The following ADAMTS12 variants were observed in gnomAD, a reference collection of about 807,000 sequenced individuals.
ADAMTS12 encodes A disintegrin and metalloproteinase with thrombospondin motifs 12.
Under a neutral mutation model 167.8 loss-of-function variants are expected in ADAMTS12, and 118 were observed. The observed-to-expected ratio is 0.70, with a 90% CI of 0.61 to 0.82. ADAMTS12 has a LOEUF of 0.82. Among genes scored for constraint, ADAMTS12 ranks in the 40% least tolerant of loss-of-function variants. ADAMTS12 has a pLI of 0.00. For synonymous variants in ADAMTS12, 704 were observed against 716.9 expected (o/e 0.98, Z 0.29); for missense variants, 1,916 against 1,998.8 (o/e 0.96, Z 0.79).
At chr5:33,753,031 T>A (rs1005978121) in intron 2 of ADAMTS12, among the ~76,000 whole-genome samples, 6 of 152,238 alleles carry the variant, frequency 3.9e-5, no homozygotes, top group Admixed American at 3.9e-4. Context: ...AATAGAGCAC[T>A]TTACTGGGAG....
At chr5:33,786,799 C>T (rs1183519703) in intron 2 of ADAMTS12, among the ~76,000 whole-genome samples, 2 of 152,170 alleles carry the variant, frequency 1.3e-5, no homozygotes, top group Non-Finnish European at 1.5e-5. Flanking sequence ...ACCTTTTATT[C>T]ACATCTCCCC....
At chr5:33,871,434 A>G (rs2113112) in intron 2 of ADAMTS12, among the ~76,000 whole-genome samples, 5,484 of 152,270 alleles carry the variant, frequency 0.036, 336 homozygotes, top group African/African-American at 0.13. Flanking sequence ...TCTTTCATAA[A>G]TATAGATGCA....
intron 2 of ADAMTS12, among the ~76,000 whole-genome samples, chr5:33,762,966 G>A (rs1745408157): frequency 6.6e-6 from 1 of 152,136 alleles, no homozygotes; most frequent in African/African-American, 2.4e-5. Flanking sequence ...ATGGGAGAAG[G>A]AGCTGATCTT....
chr5:33,864,548 T>C (rs1012200321), intron 2 of ADAMTS12, among the ~76,000 whole-genome samples: 3 of 152,194 alleles, frequency 2.0e-5, no homozygotes, highest in African/African-American at 7.2e-5. Flanking sequence ...TGTATGTTTA[T>C]TGCAGCACTA....
intron 2 of ADAMTS12, among the ~76,000 whole-genome samples, chr5:33,786,801 C>A (rs10057930): frequency 6.6e-6 from 1 of 152,130 alleles, no homozygotes; most frequent in African/African-American, 2.4e-5. Flanking sequence ...CTTTTATTCA[C>A]ATCTCCCCAG....
chr5:33,890,087 T>C (rs2111813614), intron 1 of ADAMTS12, among the ~76,000 whole-genome samples: 1 of 152,216 alleles, frequency 6.6e-6, no homozygotes, highest in South Asian at 2.1e-4. Context: ...CTAGGGAAAA[T>C]AATCATATCT....
At chr5:33,601,814 A>C (rs1395659082) in intron 16 of ADAMTS12, among the ~76,000 whole-genome samples, 1 of 152,214 alleles carries the variant, frequency 6.6e-6, no homozygotes, top group Non-Finnish European at 1.5e-5. Flanking sequence ...ACTGTTACAT[A>C]AGTTCATAAG....
chr5:33,681,843 T>A (rs1742131442), intron 5 of ADAMTS12, among the ~76,000 whole-genome samples: 1 of 152,010 alleles, frequency 6.6e-6, no homozygotes, highest in African/African-American at 2.4e-5. Context: ...GAGAGTAACA[T>A]AACCAAAGAC....
At position 33,586,989 on chromosome 5, in the gene ADAMTS12, A is replaced by T. The variant is rs147629038; in HGVS notation, c.2865+1610T>A. ...TTTTTCTTTTTCTTTTCTGGATCCCATCTCTCCCACTGGATGGAAGTTCTT... is the reference window on the plus strand; with the variant it reads ...TTTTTCTTTTTCTTTTCTGGATCCCTTCTCTCCCACTGGATGGAAGTTCTT... On this transcript the variant is annotated intron_variant, in intron 18 of 23. Transcript: ENST00000504830. 1.3e-4 allele frequency among the ~76,000 whole-genome samples: 19 copies of T among 148,676 alleles called. No individual in the cohort carries two copies. The East Asian group carries it at 3.7e-3, about 29-fold the overall frequency.
chr5:33,820,211 A>G (rs549828950), intron 2 of ADAMTS12, among the ~76,000 whole-genome samples: 1 of 152,190 alleles, frequency 6.6e-6, no homozygotes, highest in Non-Finnish European at 1.5e-5. Context: ...AAATCACAGA[A>G]TTATTTGGGA....
At chr5:33,739,635 C>G (rs1397131585) in intron 3 of ADAMTS12, among the ~76,000 whole-genome samples, 1 of 152,188 alleles carries the variant, frequency 6.6e-6, no homozygotes, top group Admixed American at 6.5e-5. Context: ...TCTAGGACTG[C>G]CACTTCCTCC....
chr5:33,621,290 C>T (rs1360749743), intron 14 of ADAMTS12, among the ~76,000 whole-genome samples: 1 of 151,340 alleles, frequency 6.6e-6, no homozygotes, highest in African/African-American at 2.4e-5. Flanking sequence ...ATCCCAGCTA[C>T]CAGGGAGGCT....
At chr5:33,821,362 G>A (rs998123295) in intron 2 of ADAMTS12, among the ~76,000 whole-genome samples, 3 of 152,010 alleles carry the variant, frequency 2.0e-5, no homozygotes, top group Non-Finnish European at 2.9e-5. Context: ...ATGAAGATAC[G>A]CCAATTGTTG....
At chr5:33,602,807 A>G (rs146555593) in intron 16 of ADAMTS12, among the ~76,000 whole-genome samples, 15 of 152,344 alleles carry the variant, frequency 9.8e-5, no homozygotes, top group Admixed American at 8.5e-4. Context: ...AGTAAACAGA[A>G]GTATCTGCTC....
At chr5:33,751,997 C>G (rs576632379) in intron 2 of ADAMTS12, among the ~76,000 whole-genome samples, 17 of 152,342 alleles carry the variant, frequency 1.1e-4, no homozygotes, top group African/African-American at 3.8e-4. Context: ...CATGTTCACA[C>G]AACTGTGTGG....
intron 1 of ADAMTS12, among the ~76,000 whole-genome samples, chr5:33,891,188 A>T (rs1347267744): frequency 6.6e-6 from 1 of 152,192 alleles, no homozygotes; most frequent in Non-Finnish European, 1.5e-5. Context: ...GCCCTTATGG[A>T]GGTATAGTTC....
chr5:33,809,101 A>G (rs1747348021), intron 2 of ADAMTS12, among the ~76,000 whole-genome samples: 1 of 152,082 alleles, frequency 6.6e-6, no homozygotes, highest in African/African-American at 2.4e-5. Flanking sequence ...TTTGCTTGAA[A>G]TTGTTTTTGT....
intron 17 of ADAMTS12, among the ~76,000 whole-genome samples, chr5:33,595,146 T>C (rs1747854045): frequency 6.6e-6 from 1 of 152,140 alleles, no homozygotes; most frequent in African/African-American, 2.4e-5. Context: ...CTCCTTTATC[T>C]TTTTCCTTTC....
At position 33,669,908 on chromosome 5, in the gene ADAMTS12, G is replaced by GA. The variant is rs559256474; in HGVS notation, c.916-7869dup. 4.6e-4 allele frequency among the ~76,000 whole-genome samples: 69 copies of GA among 151,520 alleles called. No homozygotes were observed. The East Asian group carries it at 0.011, about 23-fold the overall frequency. ...AAAATGTGAAACTATGAAACTTCTA[G>GA]AAAAAAAACATAGAAAATCTTAGGA... On this transcript the variant is annotated intron_variant, in intron 5 of 23. Transcript: ENST00000504830.
Sources: gnomAD v4.1 joint callset for allele counts (sites outside exome capture counted in the v4.1 genomes callset) on GRCh38, gnomAD v4.1.1 for gene constraint, MANE v1.5 for transcripts, NCBI Gene and HGNC (gene_info 2026-07-23, HGNC 2026-07-21) for gene names.